GLTP: variants seen among roughly 807,000 people sequenced by gnomAD.
GLTP encodes the protein glycolipid transfer protein.
Under a neutral mutation model 24.0 loss-of-function variants are expected in GLTP, and 22 were observed. The ratio of observed to expected loss-of-function variants is 0.92; its 90% CI spans 0.65 to 1.31. GLTP has a LOEUF of 1.31. Among genes scored for constraint, GLTP ranks in the 50% most tolerant of loss-of-function variants. The pLI, the probability that GLTP is intolerant of heterozygous loss-of-function variation, is 0.00. For synonymous variants in GLTP, 92 were observed against 115.9 expected (o/e 0.79, Z 1.33); for missense variants, 224 against 276.6 (o/e 0.81, Z 1.35).
At position 109,857,498 on chromosome 12, in the gene GLTP, C is replaced by T. The variant is rs1423184906; in HGVS notation, c.296+28G>A. On this transcript the variant is annotated intron_variant, in intron 3 of 4. Transcript: ENST00000318348. The surrounding 1 kb of genome is among the most constrained non-coding windows in gnomAD (Gnocchi z 4.3). ...GCTTTCCCTCCTCTGCAGCACAGAG[C>T]CCAGGCCCTGCCACCTGAGCCCATC... 1 of 1,611,672 alleles carries T rather than the reference C, an allele frequency of 6.2e-7. No individual in the cohort carries two copies. Among genetic ancestry groups the T allele is most frequent in the South Asian group, 1.1e-5 (1 of 90,942 alleles).
Position 109,851,493 on chromosome 12 carries a change from G to A in GLTP, c.*1062C>T, listed in dbSNP as rs1892721945. 6.6e-6 allele frequency: 1 copy of A among 152,186 alleles called. No individual in the cohort carries two copies. Among genetic ancestry groups the A allele is most frequent in the Non-Finnish European group, 1.5e-5 (1 of 68,020 alleles). 9.4% of individuals were successfully genotyped at this position (152,186 alleles called of 1,614,324 possible). ...ACCACATGAGAATACACACCAGTTT[G>A]CTTTTTAAAAAATCCCACATAGGGG... On this transcript the variant is annotated 3_prime_UTR_variant, in exon 5 of 5. Coordinates refer to ENST00000318348, the MANE Select transcript of GLTP (RefSeq NM_016433.4).
At chr12:109,878,432 T>C (rs1418889330) in intron 1 of GLTP, among the ~76,000 whole-genome samples, 1 of 151,836 alleles carries the variant, frequency 6.6e-6, no homozygotes, top group Non-Finnish European at 1.5e-5. Flanking sequence ...CCGTGCCCCA[T>C]CCCCCAACTC....
chr12:109,863,078 G>T (rs1215166923), intron 1 of GLTP, among the ~76,000 whole-genome samples: 1 of 152,092 alleles, frequency 6.6e-6, no homozygotes, highest in Non-Finnish European at 1.5e-5. Context: ...AAATAAAAAT[G>T]CATAATGTCC....
chr12:109,871,350 G>A (rs1171578842), intron 1 of GLTP, among the ~76,000 whole-genome samples: 1 of 152,074 alleles, frequency 6.6e-6, no homozygotes, highest in African/African-American at 2.4e-5. Flanking sequence ...CCCCCAAAGT[G>A]TTGGGATTAC....
At chr12:109,862,485 G>A (rs981070533) in intron 1 of GLTP, among the ~76,000 whole-genome samples, 1 of 152,198 alleles carries the variant, frequency 6.6e-6, no homozygotes, top group Non-Finnish European at 1.5e-5. Flanking sequence ...CCTCACAGGG[G>A]GCCAGGCAGG....
chr12:109,870,601 A>C (rs1199091091), intron 1 of GLTP, among the ~76,000 whole-genome samples: 1 of 152,332 alleles, frequency 6.6e-6, no homozygotes, highest in South Asian at 2.1e-4. Flanking sequence ...TCCAGAAAAC[A>C]ATTATTCCAA....
chr12:109,857,406 TCA>T lies in GLTP; in HGVS notation c.296+118_296+119del. ...GCCTTTTCCCAGCCATTAACTAGCATCACACTGGAAGGGCTCGGAAGTGACCT... is the reference window on the plus strand; with the variant it reads ...GCCTTTTCCCAGCCATTAACTAGCATCACTGGAAGGGCTCGGAAGTGACCT... On this transcript the variant is annotated intron_variant, in intron 3 of 4. Coordinates refer to ENST00000318348, the MANE Select transcript of GLTP (RefSeq NM_016433.4). The surrounding 1 kb of genome is among the most constrained non-coding windows in gnomAD (Gnocchi z 4.3). 8.9e-7 allele frequency: 1 copy of T among 1,126,358 alleles called. No homozygotes were observed. The highest frequency in any genetic ancestry group is 1.3e-6 in the Non-Finnish European group (1 of 781,836). 69.8% of individuals were successfully genotyped at this position (1,126,358 alleles called of 1,614,324 possible). A position where few individuals can be genotyped will look rare whatever the true frequency, so the allele number is the denominator to read the frequency against.
At chr12:109,874,042 A>G (rs1297524838) in intron 1 of GLTP, among the ~76,000 whole-genome samples, 1 of 152,234 alleles carries the variant, frequency 6.6e-6, no homozygotes, top group Non-Finnish European at 1.5e-5. Context: ...TGCCAGCAGA[A>G]CCACTGGAAT....
intron 1 of GLTP, among the ~76,000 whole-genome samples, chr12:109,869,686 G>C (rs1419067961): frequency 6.6e-6 from 1 of 151,336 alleles, no homozygotes; most frequent in Non-Finnish European, 1.5e-5. Context: ...GGCCAGGATG[G>C]TCTTGATCTC....
intron 1 of GLTP, among the ~76,000 whole-genome samples, chr12:109,865,101 A>C (rs1234461629): frequency 1.3e-5 from 2 of 152,224 alleles, no homozygotes; most frequent in Non-Finnish European, 2.9e-5. Context: ...TTCCTACAGA[A>C]TGCAGCCTTA....
intron 1 of GLTP, among the ~76,000 whole-genome samples, chr12:109,859,484 A>C (rs548202869): frequency 6.6e-6 from 1 of 151,898 alleles, no homozygotes; most frequent in East Asian, 1.9e-4. Context: ...ACGCCACTAC[A>C]CTCCAGCCTG....
rs1869016293 is a variant in GLTP, at chr12:109,879,931, A to G, written c.103+341T>C. Among the ~76,000 whole-genome samples, 4 of 151,688 alleles carry G rather than the reference A, an allele frequency of 2.6e-5. No homozygotes were observed. The South Asian group carries it at 8.3e-4, about 32-fold the overall frequency. ...GAAGGGGCAGGAGGCTTTGGGGGAG[A>G]TGGTGGATTACAGAATGCCTAAGGG... is the stretch of plus-strand genomic sequence containing the variant. On this transcript the variant is annotated intron_variant, in intron 1 of 4. Transcript: ENST00000318348.
In GLTP at chr12:109,880,308, A is replaced by G. The variant is rs1393156535; in HGVS notation, c.67T>C (p.Phe23Leu). Residue 23 changes from phenylalanine (F) to leucine (L), a missense_variant, in exon 1 of 5, where the codon TTC becomes CTC. By Grantham distance (22) the Phe-to-Leu change is conservative. Coordinates refer to ENST00000318348, the MANE Select transcript of GLTP (RefSeq NM_016433.4). The surrounding 1 kb of genome is among the most constrained non-coding windows in gnomAD (Gnocchi z 5.1). ...PADKQIETGP[F>L]LEAVSHLPPF... is the part of the protein sequence containing the mutation. ...GGCAGGTGGGACACCGCCTCGAGGAAGGGCCCGGTCTCGATCTGCTTGTCC... is the reference window on the plus strand; with the variant it reads ...GGCAGGTGGGACACCGCCTCGAGGAGGGGCCCGGTCTCGATCTGCTTGTCC... 2 of 1,566,412 alleles carry G rather than the reference A, an allele frequency of 1.3e-6. No individual in the cohort carries two copies. The highest frequency in any genetic ancestry group is 1.7e-6 in the Non-Finnish European group (2 of 1,143,484).
rs1161140004 is a variant in GLTP at position 109,851,055 on chromosome 12, G to A, written c.*1500C>T. On this transcript the variant is annotated 3_prime_UTR_variant, in exon 5 of 5. Transcript: ENST00000318348. ...TTAAAACACACATCAACTCTTTTGG[G>A]GTTGCTTTGTTTGCCCCAGCACTTT... is the stretch of plus-strand genomic sequence containing the variant. 1 of 152,456 alleles carries A rather than the reference G, an allele frequency of 6.6e-6. No homozygotes were observed. The highest frequency in any genetic ancestry group is 1.9e-4 in the East Asian group (1 of 5,198). 9.4% of individuals were successfully genotyped at this position (152,456 alleles called of 1,614,324 possible).
intron 1 of GLTP, among the ~76,000 whole-genome samples, chr12:109,876,416 G>A (rs1868879201): frequency 6.6e-6 from 1 of 152,072 alleles, no homozygotes. Flanking sequence ...TCAGGAAGCT[G>A]AAGTGGGAAG....
rs1892780014 is a variant in GLTP, at chr12:109,855,302, T to G, written c.447+317A>C. On this transcript the variant is annotated intron_variant, in intron 4 of 4. Coordinates refer to ENST00000318348, the MANE Select transcript of GLTP (RefSeq NM_016433.4). The surrounding 1 kb of genome is among the most constrained non-coding windows in gnomAD (Gnocchi z 4.1). Reference sequence around the variant, plus strand: ...AGGGGCCATCAGGCTGGGCCACTTTTGACCTGGGGTCCTCCAGGGCTTTCC... The same window carrying G: ...AGGGGCCATCAGGCTGGGCCACTTTGGACCTGGGGTCCTCCAGGGCTTTCC... Among the ~76,000 whole-genome samples the G allele has an allele frequency of 6.6e-6, 1 of 152,216 alleles. No individual in the cohort carries two copies. The highest frequency in any genetic ancestry group is 1.5e-5 in the Non-Finnish European group (1 of 68,024).
intron 1 of GLTP, among the ~76,000 whole-genome samples, chr12:109,869,636 G>GT (rs1160967197): frequency 7.0e-6 from 1 of 143,518 alleles, no homozygotes; most frequent in Non-Finnish European, 1.5e-5. Flanking sequence ...TTTTTTTTTT[G>GT]TTTTTTTGTA....
At chr12:109,869,553 T>C (rs1868654113) in intron 1 of GLTP, among the ~76,000 whole-genome samples, 1 of 148,942 alleles carries the variant, frequency 6.7e-6, no homozygotes, top group African/African-American at 2.5e-5. Flanking sequence ...ACTTCCAGGT[T>C]CAAGCGATTC....
chr12:109,862,086 T>A (rs149940648), intron 1 of GLTP, among the ~76,000 whole-genome samples: 17 of 152,312 alleles, frequency 1.1e-4, no homozygotes, highest in Non-Finnish European at 2.2e-4. Flanking sequence ...TTCCAACGTC[T>A]GCAGAGGCAA....
Sources: gnomAD v4.1 joint callset for allele counts (sites outside exome capture counted in the v4.1 genomes callset) on GRCh38, gnomAD v4.1.1 for gene constraint, Gnocchi (gnomAD v3.1) non-coding constraint, MANE v1.5 for transcripts, NCBI Gene and HGNC (gene_info 2026-07-23, HGNC 2026-07-21) for gene names.